Variants in CDH13 observed in about 807,000 individuals in gnomAD.
CDH13 encodes cadherin 13, also known as cadherin-13.
Under a neutral mutation model 63.8 loss-of-function variants are expected in CDH13, and 24 were observed. The observed-to-expected ratio is 0.38, with a 90% CI of 0.27 to 0.53. The LOEUF (loss-of-function observed/expected upper bound fraction) is 0.53. Among genes scored for constraint, CDH13 ranks in the 20% least tolerant of loss-of-function variants. The pLI, the probability that CDH13 is intolerant of heterozygous loss-of-function variation, is 0.85. For missense variants in CDH13, 1,049 were observed against 903.1 expected, an observed-to-expected ratio of 1.16 and a Z score of -2.07; for synonymous variants, 503 against 355.3, an observed-to-expected ratio of 1.42 and a Z score of -4.67.
intron 4 of CDH13, among the ~76,000 whole-genome samples, chr16:83,202,081 C>T (rs944854670): frequency 1.3e-5 from 2 of 152,076 alleles, no homozygotes; most frequent in Non-Finnish European, 1.5e-5. Flanking sequence ...TGCTAATGGC[C>T]CCATAGTGTC....
chr16:83,535,545 C>T (rs924807931), intron 7 of CDH13, among the ~76,000 whole-genome samples: 1 of 152,146 alleles, frequency 6.6e-6, no homozygotes, highest in East Asian at 1.9e-4. Flanking sequence ...TACAGCTGAC[C>T]AGCTCTGCTT....
At chr16:83,603,064 G>C (rs184383890) in intron 8 of CDH13, among the ~76,000 whole-genome samples, 6 of 152,286 alleles carry the variant, frequency 3.9e-5, no homozygotes, top group African/African-American at 1.2e-4. Flanking sequence ...GCTCATCCAG[G>C]AGAGCCATTA....
At chr16:83,300,443 G>T (rs1597697785) in intron 5 of CDH13, among the ~76,000 whole-genome samples, 1 of 152,222 alleles carries the variant, frequency 6.6e-6, no homozygotes, top group South Asian at 2.1e-4. Flanking sequence ...TGGAAGGGAG[G>T]AATGGAAGAT....
chr16:82,860,405 G>C (rs955975737), intron 2 of CDH13, among the ~76,000 whole-genome samples: 5 of 148,910 alleles, frequency 3.4e-5, no homozygotes, highest in African/African-American at 1.2e-4. Context: ...GGGGGCGGCG[G>C]TGTGCGTGTG....
At chr16:82,907,354 C>G (rs143266266) in intron 2 of CDH13, among the ~76,000 whole-genome samples, 1 of 152,092 alleles carries the variant, frequency 6.6e-6, no homozygotes, top group African/African-American at 2.4e-5. Flanking sequence ...ATCCCAAGGG[C>G]TCCACAAACC....
intron 2 of CDH13, among the ~76,000 whole-genome samples, chr16:82,998,876 T>C (rs1407360157): frequency 6.6e-6 from 1 of 151,702 alleles, no homozygotes; most frequent in Non-Finnish European, 1.5e-5. Context: ...TTTTTTTTTT[T>C]TTTGCAGATA....
At chr16:82,706,067 C>T (rs1336563899) in intron 1 of CDH13, among the ~76,000 whole-genome samples, 1 of 151,994 alleles carries the variant, frequency 6.6e-6, no homozygotes, top group Non-Finnish European at 1.5e-5. Context: ...TCCTTATTCT[C>T]TCTCTTCCTC....
chr16:82,630,071 C>T (rs1323332399), intron 1 of CDH13, among the ~76,000 whole-genome samples: 1 of 152,140 alleles, frequency 6.6e-6, no homozygotes, highest in Non-Finnish European at 1.5e-5. Context: ...GGGGAGTTCT[C>T]TCTAGGGGTC....
chr16:83,421,124 G>C (rs1167970701), intron 6 of CDH13, among the ~76,000 whole-genome samples: 2 of 152,176 alleles, frequency 1.3e-5, no homozygotes, highest in Non-Finnish European at 2.9e-5. Context: ...GCTACATCTA[G>C]AACCTAGGAG....
intron 6 of CDH13, among the ~76,000 whole-genome samples, chr16:83,403,477 G>A (rs1337415148): frequency 6.6e-6 from 1 of 152,096 alleles, no homozygotes; most frequent in Non-Finnish European, 1.5e-5. Flanking sequence ...CAAAAAATTA[G>A]CCAGGTGTGG....
intron 2 of CDH13, among the ~76,000 whole-genome samples, chr16:83,000,094 T>C (rs1475991985): frequency 6.6e-6 from 1 of 152,120 alleles, no homozygotes; most frequent in African/African-American, 2.4e-5. Flanking sequence ...CCCTGGTCTA[T>C]ACAGGGTGGA....
At chr16:82,666,094 T>A (rs1362464473) in intron 1 of CDH13, among the ~76,000 whole-genome samples, 1 of 152,186 alleles carries the variant, frequency 6.6e-6, no homozygotes, top group Non-Finnish European at 1.5e-5. Flanking sequence ...CTGTGATTCT[T>A]AAGTTAATGG....
intron 3 of CDH13, among the ~76,000 whole-genome samples, chr16:83,057,708 G>A (rs1311666612): frequency 2.0e-5 from 3 of 151,996 alleles, no homozygotes; most frequent in Non-Finnish European, 2.9e-5. Context: ...GACCTGAGCT[G>A]TCTTGAATAT....
intron 6 of CDH13, among the ~76,000 whole-genome samples, chr16:83,386,791 A>G (rs1294407145): frequency 4.6e-5 from 7 of 152,048 alleles, no homozygotes; most frequent in Non-Finnish European, 8.8e-5. Flanking sequence ...CAACATCATG[A>G]TGATGTCAGG....
chr16:83,568,134 C>G (rs554183661), intron 7 of CDH13, among the ~76,000 whole-genome samples: 1 of 152,082 alleles, frequency 6.6e-6, no homozygotes, highest in South Asian at 2.1e-4. Context: ...CAAAGGCATT[C>G]ATTGGTCTGA....
At chr16:83,764,645 C>G (rs1306813726) in intron 11 of CDH13, among the ~76,000 whole-genome samples, 1 of 151,490 alleles carries the variant, frequency 6.6e-6, no homozygotes, top group Non-Finnish European at 1.5e-5. Flanking sequence ...GAAGTCAGCC[C>G]TTTACTCTTG....
Position 83,235,491 on chromosome 16 carries a change from C to G in CDH13, c.636+17994C>G, listed in dbSNP as rs555385960. Among the ~76,000 whole-genome samples, 3 of 152,242 alleles carry G rather than the reference C, an allele frequency of 2.0e-5. No homozygotes were observed. The South Asian group carries it at 6.2e-4, about 32-fold the overall frequency. ...GTCAGGGCTCTGCCTAGCCGGGCCC[C>G]ACTCCTACCCCGACCCAAAATCTGA... On this transcript the variant is annotated intron_variant, in intron 5 of 13. Coordinates refer to ENST00000567109, the MANE Select transcript of CDH13 (RefSeq NM_001257.5).
intron 6 of CDH13, among the ~76,000 whole-genome samples, chr16:83,440,871 G>A (rs1286563810): frequency 6.6e-6 from 1 of 151,780 alleles, no homozygotes; most frequent in Non-Finnish European, 1.5e-5. Context: ...TTGTCCACTT[G>A]GAGTGTTTGC....
chr16:83,345,407 A>G (rs2090819078), intron 6 of CDH13, among the ~76,000 whole-genome samples: 1 of 152,218 alleles, frequency 6.6e-6, no homozygotes, highest in Non-Finnish European at 1.5e-5. Flanking sequence ...TGGCCTTTTA[A>G]TAAGAACTAT....
Sources: allele counts gnomAD v4.1 joint callset (sites outside exome capture counted in the v4.1 genomes callset), GRCh38; gene constraint gnomAD v4.1.1; transcripts MANE v1.5; gene names NCBI Gene and HGNC (gene_info 2026-07-23, HGNC 2026-07-21).